The following PECR variants were observed in gnomAD, a reference collection of about 807,000 sequenced individuals.
PECR encodes peroxisomal trans-2-enoyl-CoA reductase, also known as 2,4-dienoyl-CoA reductase-related protein.
A neutral mutation model predicts 35.3 loss-of-function variants in PECR; 30 were observed. That is an observed-to-expected ratio of 0.85 (90% confidence interval 0.64 to 1.15). PECR has a LOEUF of 1.15. Among genes scored for constraint, PECR ranks in the 50% most tolerant of loss-of-function variants. The pLI, the probability that PECR is intolerant of heterozygous loss-of-function variation, is 0.00. For synonymous variants in PECR, 148 were observed against 138.9 expected (o/e 1.07, Z -0.46); for missense variants, 392 against 370.8 (o/e 1.06, Z -0.47).
intron 3 of PECR, among the ~76,000 whole-genome samples, chr2:216,059,380 T>C (rs1250261153): frequency 1.3e-5 from 2 of 152,234 alleles, no homozygotes; most frequent in African/African-American, 4.8e-5. Flanking sequence ...CTTCTTCCAC[T>C]TAGAATCATG....
chr2:216,047,278 T>C (rs965146370), intron 6 of PECR, among the ~76,000 whole-genome samples: 2 of 135,092 alleles, frequency 1.5e-5, no homozygotes, highest in African/African-American at 5.5e-5. Flanking sequence ...AAAAAAAAAG[T>C]CAACAAATAC....
intron 1 of PECR, among the ~76,000 whole-genome samples, chr2:216,067,800 T>C (rs1256962278): frequency 6.6e-6 from 1 of 151,956 alleles, no homozygotes; most frequent in Admixed American, 6.6e-5. Flanking sequence ...TGTCTAAGAA[T>C]ATTTATAAGA....
At chr2:216,079,605 G>A (rs1307635072) in intron 1 of PECR, among the ~76,000 whole-genome samples, 1 of 151,132 alleles carries the variant, frequency 6.6e-6, no homozygotes, top group Non-Finnish European at 1.5e-5. Context: ...TTGACCTTGT[G>A]CTCTGCCCGC....
intron 2 of PECR, among the ~76,000 whole-genome samples, chr2:216,065,718 T>G (rs897169013): frequency 2.0e-5 from 3 of 152,170 alleles, no homozygotes; most frequent in Admixed American, 6.5e-5. Flanking sequence ...CGACAAGATA[T>G]ATCCAAGGGC....
At chr2:216,066,598 G>A (rs1253328724) in intron 1 of PECR, 80 bp from the exon 2 acceptor site, 25 of 1,293,748 alleles carry the variant, frequency 1.9e-5, no homozygotes, top group South Asian at 2.4e-5. Context: ...AAAGTAAACC[G>A]CCAGGGAACA....
At chr2:216,067,421 G>C (rs1030261129) in intron 1 of PECR, among the ~76,000 whole-genome samples, 1 of 152,292 alleles carries the variant, frequency 6.6e-6, no homozygotes, top group East Asian at 1.9e-4. Flanking sequence ...TGCAGAAGCA[G>C]ATGGCTTCTG....
chr2:216,031,571 GAAGGA>G (rs1694700574), intron 7 of PECR, among the ~76,000 whole-genome samples: 1 of 144,134 alleles, frequency 6.9e-6, no homozygotes, highest in South Asian at 2.2e-4. Flanking sequence ...GGGAAGGAAG[GAAGGA>G]AAGAAAGAAG....
At chr2:216,051,281 C>CAAAAAAAAA in intron 5 of PECR, among the ~76,000 whole-genome samples, 168 bp downstream of exon 5, 1 of 93,168 alleles carries the variant, frequency 1.1e-5, no homozygotes, top group Non-Finnish European at 2.0e-5. Flanking sequence ...GACTCCATCT[C>CAAAAAAAAA]AAAAAAAAAA....
chr2:216,066,751 T>G (rs759354060), intron 1 of PECR, among the ~76,000 whole-genome samples: 2 of 152,168 alleles, frequency 1.3e-5, no homozygotes, highest in African/African-American at 2.4e-5. Context: ...AGTGGCTTGA[T>G]CATAGCTCAC....
At chr2:216,063,185 T>C (rs1695392558) in intron 3 of PECR, among the ~76,000 whole-genome samples, 1 of 152,254 alleles carries the variant, frequency 6.6e-6, no homozygotes, top group Non-Finnish European at 1.5e-5. Flanking sequence ...TATTTTTTCA[T>C]GTTAATGAGT....
chr2:216,044,606 G>T (rs1324347669), intron 6 of PECR, among the ~76,000 whole-genome samples: 2 of 152,192 alleles, frequency 1.3e-5, no homozygotes, highest in Admixed American at 6.5e-5. Context: ...GGAGGCTGAG[G>T]TGGGAGCATT....
In PECR at chr2:216,049,385, A is replaced by C. The variant is rs758898163; in HGVS notation, c.604-12T>G. On this transcript the variant is annotated splice_polypyrimidine_tract_variant and intron_variant, in intron 5 of 7. Coordinates refer to ENST00000265322, the MANE Select transcript of PECR (RefSeq NM_018441.6). ...GAATAAATAACTCCCTGTGTTTAAA[A>C]ATAAAACAGGGACAAAATAAAGTGT... 6.2e-5 allele frequency: 68 copies of C among 1,104,826 alleles called. No individual in the cohort carries two copies. Among genetic ancestry groups the C allele is most frequent in the Non-Finnish European group, 9.2e-5 (66 of 715,824 alleles). The allele number at this position is 1,104,826 out of a possible 1,614,324, so 68.4% of individuals were successfully genotyped here.
At position 216,051,500 on chromosome 2, in the gene PECR, A is replaced by C. The variant is rs1319464126; in HGVS notation, c.552T>G (p.Ser184=). The C allele has an allele frequency of 1.9e-6, 3 of 1,613,362 alleles. No individual in the cohort carries two copies. The African/African-American group carries it at 4.0e-5, about 22-fold the overall frequency. The part of the protein sequence containing the change: ...ARAGVYNLTK[S]LALEWACSGI... Reference sequence around the variant, plus strand: ...CACTGCAGGCCCATTCCAAAGCTAAAGATTTGGTGAGGTTGTAAACACCTG... The same window carrying C: ...CACTGCAGGCCCATTCCAAAGCTAACGATTTGGTGAGGTTGTAAACACCTG... The change falls in exon 5 of 8, where the codon TCT becomes TCG. Residue 184 remains serine (S), a synonymous_variant. Transcript: ENST00000265322.
chr2:216,077,860 A>G (rs1695744184), intron 1 of PECR, among the ~76,000 whole-genome samples: 1 of 151,988 alleles, frequency 6.6e-6, no homozygotes. Flanking sequence ...GACTGGAAGG[A>G]AGTTTGTAAG....
intron 1 of PECR, among the ~76,000 whole-genome samples, chr2:216,071,100 C>A (rs984835470): frequency 3.9e-5 from 6 of 152,106 alleles, no homozygotes; most frequent in Non-Finnish European, 5.9e-5. Flanking sequence ...CTGGGGGAAC[C>A]GGGCCCATGG....
chr2:216,039,200 G>T lies in PECR; in HGVS notation c.*75C>A. The T allele has an allele frequency of 3.6e-6, 3 of 836,506 alleles. No homozygotes were observed. The highest frequency in any genetic ancestry group is 1.7e-5 in the Admixed American group (1 of 58,326). 51.8% of individuals were successfully genotyped at this position (836,506 alleles called of 1,614,324 possible). On this transcript the variant is annotated 3_prime_UTR_variant, in exon 8 of 8. Coordinates refer to ENST00000265322, the MANE Select transcript of PECR (RefSeq NM_018441.6). The stretch of plus-strand genomic sequence containing the variant: ...AAAATGTTTTCCATACCAACTATAA[G>T]CTTTTAAAAAGTACAGAAGCATATC...
chr2:216,033,976 G>T (rs559542060), downstream of PECR: 1 of 152,294 alleles, frequency 6.6e-6, no homozygotes, highest in Non-Finnish European at 1.5e-5. Flanking sequence ...CCTGAATATG[G>T]TTTAGAATCT....
In PECR at chr2:216,038,855, C is replaced by G. The variant is rs1436064192; in HGVS notation, c.*420G>C. On this transcript the variant is annotated 3_prime_UTR_variant, in exon 8 of 8. Transcript: ENST00000265322. ...GGCCAGCCTGGTCTTGAACTCCTGA[C>G]CTCAACTGACCCGCCTACCTCGGCC... 4.0e-5 allele frequency: 8 copies of G among 200,954 alleles called. No individual in the cohort carries two copies. The highest frequency in any genetic ancestry group is 6.1e-5 in the Non-Finnish European group (6 of 97,914). The allele number at this position is 200,954 out of a possible 1,614,324, so 12.4% of individuals were successfully genotyped here. A position where few individuals can be genotyped will look rare whatever the true frequency, so the allele number is the denominator to read the frequency against.
At chr2:216,062,247 T>C (rs1695371070) in intron 3 of PECR, among the ~76,000 whole-genome samples, 1 of 152,062 alleles carries the variant, frequency 6.6e-6, no homozygotes. Flanking sequence ...GGTTTCCCCA[T>C]GTTGGCCAGG....
Sources: allele counts gnomAD v4.1 joint callset (sites outside exome capture counted in the v4.1 genomes callset), GRCh38; gene constraint gnomAD v4.1.1; transcripts MANE v1.5; gene names NCBI Gene and HGNC (gene_info 2026-07-23, HGNC 2026-07-21).